Variants in POC1A observed in about 807,000 individuals in gnomAD.
POC1A encodes the protein POC1 centriolar protein A, also known as POC1 centriolar protein homolog A.
POC1A carries 34 observed loss-of-function variants against 47.8 expected under a neutral mutation model. That is an observed-to-expected ratio of 0.71 (90% CI 0.54 to 0.95). POC1A has a LOEUF of 0.95. POC1A is among the 40% of genes least tolerant of loss of function. The probability of loss-of-function intolerance (pLI) is 0.00; values close to 1 mark genes in which losing one functional copy is unlikely to be tolerated. For missense variants in POC1A, 466 were observed against 528.3 expected, an observed-to-expected ratio of 0.88 and a Z score of 1.16; for synonymous variants, 177 against 207.6, an observed-to-expected ratio of 0.85 and a Z score of 1.27.
intron 10 of POC1A, among the ~76,000 whole-genome samples, chr3:52,088,794 T>A (rs1207026846): frequency 2.0e-5 from 3 of 151,742 alleles, no homozygotes; most frequent in Non-Finnish European, 2.9e-5. Flanking sequence ...CCGAATGAGA[T>A]GTCCCTGCAT....
At chr3:52,127,301 C>G (rs1174741071) in intron 7 of POC1A, among the ~76,000 whole-genome samples, 2 of 152,114 alleles carry the variant, frequency 1.3e-5, no homozygotes, top group African/African-American at 4.8e-5. Flanking sequence ...TTCAGGTGGA[C>G]AGTCACCAAG....
rs1698354855 is a variant in POC1A, at chr3:52,146,081, C to G, written c.564-120G>C. 4 of 628,532 alleles carry G rather than the reference C, an allele frequency of 6.4e-6. No homozygotes were observed. In the Admixed American group the frequency reaches 7.7e-5, roughly 12 times the overall value. 38.9% of individuals were successfully genotyped at this position (628,532 alleles called of 1,614,324 possible). ...GCCCACGCTGTTCCCTTGACCCAGA[C>G]ACCTCCTTTCTGTCACACTTGTTTA... On this transcript the variant is annotated intron_variant, in intron 5 of 10. Transcript: ENST00000296484.
chr3:52,129,627 T>C (rs1704136708), intron 7 of POC1A, among the ~76,000 whole-genome samples: 4 of 152,190 alleles, frequency 2.6e-5, no homozygotes. Flanking sequence ...GGTCTCCCTC[T>C]GACTCCAGGC....
At chr3:52,150,424 A>C (rs1033809360) in intron 2 of POC1A, among the ~76,000 whole-genome samples, 1 of 152,198 alleles carries the variant, frequency 6.6e-6, no homozygotes, top group Non-Finnish European at 1.5e-5. Flanking sequence ...AAATCACTTC[A>C]GTTCCCTCTT....
intron 6 of POC1A, among the ~76,000 whole-genome samples, chr3:52,139,470 C>T (rs1381390046): frequency 3.3e-5 from 5 of 152,172 alleles, no homozygotes; most frequent in Admixed American, 1.3e-4. Context: ...TTTTTTACCC[C>T]TTGTTTCCAA....
rs770065003 is a variant in POC1A, at chr3:52,096,555, A to G, written c.1125+14T>C. 1 of 1,538,970 alleles carries G rather than the reference A, an allele frequency of 6.5e-7. No homozygotes were observed. The highest frequency in any genetic ancestry group is 1.2e-5 in the South Asian group (1 of 80,606). On this transcript the variant is annotated intron_variant, in intron 10 of 10. Coordinates refer to ENST00000296484, the MANE Select transcript of POC1A (RefSeq NM_015426.5). ...AGATGACGGGATGACGGGTGAACCC[A>G]CAGTGTGGCCTACCTGAGTGAGGAC...
intron 6 of POC1A, among the ~76,000 whole-genome samples, chr3:52,142,302 AC>A (rs1242190150): frequency 3.9e-5 from 6 of 152,324 alleles, no homozygotes; most frequent in African/African-American, 1.4e-4. Context: ...CTAACCCACC[AC>A]CACAGGGATT....
chr3:52,138,335 G>C, intron 6 of POC1A, 33 bp from the exon 7 acceptor site: 1 of 1,589,480 alleles, frequency 6.3e-7, no homozygotes, highest in Non-Finnish European at 8.6e-7. Context: ...GTGCTGGCTA[G>C]GAGGCACAGG....
chr3:52,103,479 A>C (rs1209459788), intron 9 of POC1A, among the ~76,000 whole-genome samples: 1 of 152,214 alleles, frequency 6.6e-6, no homozygotes, highest in Non-Finnish European at 1.5e-5. Flanking sequence ...TGAGTCGAGA[A>C]TATGCCAACA....
Position 52,136,916 on chromosome 3 carries a change from A to T in POC1A, c.813+1253T>A, listed in dbSNP as rs528400519. ...GATCACTTGATAGGCATCTGTTTCAAACTGTTTCTGAGTTTTGTTTTGTTT... is the reference window on the plus strand; with the variant it reads ...GATCACTTGATAGGCATCTGTTTCATACTGTTTCTGAGTTTTGTTTTGTTT... On this transcript the variant is annotated intron_variant, in intron 7 of 10. Coordinates refer to ENST00000296484, the MANE Select transcript of POC1A (RefSeq NM_015426.5). Among the ~76,000 whole-genome samples, 4 of 152,334 alleles carry T rather than the reference A, an allele frequency of 2.6e-5. No individual in the cohort carries two copies. In the East Asian group the frequency reaches 7.7e-4, roughly 29 times the overall value.
intron 9 of POC1A, 62 bp from the exon 10 acceptor site, chr3:52,096,774 G>A (rs1261414300): frequency 1.4e-6 from 2 of 1,383,834 alleles, no homozygotes; most frequent in South Asian, 1.5e-5. Context: ...ACTGTGAGAG[G>A]AATAGCCCCT....
At chr3:52,094,859 C>T (rs1426064115) in intron 10 of POC1A, among the ~76,000 whole-genome samples, 2 of 152,174 alleles carry the variant, frequency 1.3e-5, no homozygotes, top group African/African-American at 2.4e-5. Flanking sequence ...ATCTAGACAC[C>T]CAGCCATGGG....
chr3:52,120,636 C>T (rs1703745691), intron 9 of POC1A, among the ~76,000 whole-genome samples: 1 of 152,186 alleles, frequency 6.6e-6, no homozygotes, highest in Non-Finnish European at 1.5e-5. Context: ...CCCCAGGACC[C>T]ACATCCTTTC....
At position 52,154,389 on chromosome 3, in the gene POC1A, C is replaced by G. The variant is rs770235968; in HGVS notation, c.-17G>C. The G allele has an allele frequency of 1.2e-5, 17 of 1,470,718 alleles. No homozygotes were observed. Among genetic ancestry groups the G allele is most frequent in the Non-Finnish European group, 1.5e-5 (17 of 1,117,516 alleles). The allele number at this position is 1,470,718 out of a possible 1,614,324, so 91.1% of individuals were successfully genotyped here. On this transcript the variant is annotated 5_prime_UTR_variant, in exon 1 of 11. Transcript: ENST00000296484. ...CGCAGCCATGGCGGGGCTGGCGGCG[C>G]CGAAGGCAGCTGCGGTGGCCGTTGC...
intron 9 of POC1A, among the ~76,000 whole-genome samples, chr3:52,104,731 T>TG (rs1309977206): frequency 6.6e-6 from 1 of 152,200 alleles, no homozygotes; most frequent in Non-Finnish European, 1.5e-5. Flanking sequence ...CATAACTCAA[T>TG]GCAGTTCAAT....
Position 52,075,697 on chromosome 3 carries a change from C to A in POC1A, c.*190G>T. 1 of 544,592 alleles carries A rather than the reference C, an allele frequency of 1.8e-6. No homozygotes were observed. Among genetic ancestry groups the A allele is most frequent in the East Asian group, 3.1e-5 (1 of 32,338 alleles). 33.7% of individuals were successfully genotyped at this position (544,592 alleles called of 1,614,324 possible). On this transcript the variant is annotated 3_prime_UTR_variant, in exon 11 of 11. Coordinates refer to ENST00000296484, the MANE Select transcript of POC1A (RefSeq NM_015426.5). The stretch of plus-strand genomic sequence containing the variant: ...TGTGTGAGCCCGGCCCACTGGGGAC[C>A]TCTGGCTGCCAGGTGGAGAGCCTCC...
At chr3:52,134,634 T>C (rs1300904736) in intron 7 of POC1A, among the ~76,000 whole-genome samples, 1 of 152,012 alleles carries the variant, frequency 6.6e-6, no homozygotes. Flanking sequence ...TGTCTCTGAA[T>C]GAATGAATGA....
chr3:52,151,998 G>A (rs1698574433), intron 1 of POC1A, among the ~76,000 whole-genome samples: 2 of 152,190 alleles, frequency 1.3e-5, no homozygotes, highest in South Asian at 2.1e-4. Context: ...CATAGGTCAG[G>A]TGAAGTGGCT....
At chr3:52,140,056 A>G (rs1178463371) in intron 6 of POC1A, among the ~76,000 whole-genome samples, 2 of 152,230 alleles carry the variant, frequency 1.3e-5, no homozygotes, top group African/African-American at 4.8e-5. Context: ...ACCAACCGTC[A>G]TCTTAGCACT....
Sources: allele counts gnomAD v4.1 joint callset (sites outside exome capture counted in the v4.1 genomes callset), GRCh38; gene constraint gnomAD v4.1.1; transcripts MANE v1.5; gene names NCBI Gene and HGNC (gene_info 2026-07-23, HGNC 2026-07-21).